Variants in LAMA4 observed in about 807,000 individuals in gnomAD.
LAMA4 encodes laminin subunit alpha 4.
A neutral mutation model predicts 207.1 loss-of-function variants in LAMA4; 127 were observed. The ratio of observed to expected loss-of-function variants is 0.61; its 90% confidence interval spans 0.53 to 0.71. The LOEUF is 0.71. Ranked by LOEUF, LAMA4 falls within the 30% of genes least tolerant of loss-of-function variation. LAMA4 has a pLI of 0.00. For synonymous variants in LAMA4, 761 were observed against 816.0 expected (o/e 0.93, Z 1.15); for missense variants, 2,093 against 2,246.5 (o/e 0.93, Z 1.38).
intron 12 of LAMA4, among the ~76,000 whole-genome samples, chr6:112,167,292 C>A (rs539192722): frequency 6.6e-6 from 1 of 152,254 alleles, no homozygotes; most frequent in East Asian, 1.9e-4. Context: ...ATCCCAGCTA[C>A]TTGGGAGGCT....
intron 13 of LAMA4, 30 bp from the exon 14 acceptor site, chr6:112,158,910 G>C: frequency 6.9e-7 from 1 of 1,445,908 alleles, no homozygotes. Context: ...TAAATACATT[G>C]AATTTAGAAG....
At chr6:112,236,726 T>A (rs1464270564) in intron 2 of LAMA4, 2 of 152,232 alleles carry the variant, frequency 1.3e-5, no homozygotes, top group Non-Finnish European at 2.9e-5. Context: ...GCTGCTTTTT[T>A]AATTCGCATG....
intron 2 of LAMA4, chr6:112,236,858 A>G (rs1351815665): frequency 1.3e-5 from 2 of 152,226 alleles, no homozygotes; most frequent in African/African-American, 2.4e-5. Flanking sequence ...GGGGTGAACT[A>G]CTGTATCGAG....
At chr6:112,160,742 C>T (rs1444041915) in intron 13 of LAMA4, among the ~76,000 whole-genome samples, 4 of 152,210 alleles carry the variant, frequency 2.6e-5, no homozygotes, top group Admixed American at 2.6e-4. Flanking sequence ...GACCGTGAAA[C>T]TTGGCATTTG....
At chr6:112,183,054 A>G (rs1782461392) in intron 9 of LAMA4, among the ~76,000 whole-genome samples, 1 of 152,204 alleles carries the variant, frequency 6.6e-6, no homozygotes, top group Non-Finnish European at 1.5e-5. Context: ...AGGTGGATGT[A>G]ACTTGTGAGA....
chr6:112,149,461 C>T lies in LAMA4; in HGVS notation c.2173+1050G>A, dbSNP rs1365884092. Among the ~76,000 whole-genome samples, 3 of 152,216 alleles carry T rather than the reference C, an allele frequency of 2.0e-5. No individual in the cohort carries two copies. In the East Asian group the frequency reaches 5.8e-4, roughly 29 times the overall value. ...ATAATTGGATCATGGGGACAGTTTT[C>T]CCCATGCTATTCTTGTGATAGTGAG... On this transcript the variant is annotated intron_variant, in intron 17 of 38. Coordinates refer to ENST00000230538, the MANE Select transcript of LAMA4 (RefSeq NM_001105206.3).
intron 18 of LAMA4, among the ~76,000 whole-genome samples, chr6:112,147,647 G>C (rs1331138119): frequency 1.3e-5 from 2 of 152,158 alleles, no homozygotes; most frequent in East Asian, 3.9e-4. Flanking sequence ...CTATAGAACT[G>C]TATATTCAAG....
Position 112,148,176 on chromosome 6 carries a change from C to T in LAMA4, c.2334G>A (p.Val778=), listed in dbSNP as rs559504162. Residue 778 remains valine (V), a synonymous_variant, in exon 18 of 39, where the codon GTG becomes GTA. Coordinates refer to ENST00000230538, the MANE Select transcript of LAMA4 (RefSeq NM_001105206.3). The part of the protein sequence containing the change: ...HFDSSAYNTA[V]NSARDAVRNL... Reference sequence around the variant, plus strand: ...TGATACCTGCATCCCTAGCAGAGTTCACTGCAGTGTTGTAAGCAGAAGAGT... The same window carrying T: ...TGATACCTGCATCCCTAGCAGAGTTTACTGCAGTGTTGTAAGCAGAAGAGT... 57 of 1,614,122 alleles carry T rather than the reference C, an allele frequency of 3.5e-5. No individual in the cohort carries two copies. The Admixed American group carries it at 8.3e-4, about 24-fold the overall frequency.
In LAMA4 at chr6:112,119,267, A is replaced by G. The variant is rs2114583537; in HGVS notation, c.4710T>C (p.Asp1570=). 2.5e-6 allele frequency: 4 copies of G among 1,614,100 alleles called. No homozygotes were observed. Among genetic ancestry groups the G allele is most frequent in the Non-Finnish European group, 3.4e-6 (4 of 1,179,952 alleles). ...GACTTTCTTCTAGGACTCGGAGACCATCAATTACCAGTCGGCCACTGCTCC... is the reference window on the plus strand; with the variant it reads ...GACTTTCTTCTAGGACTCGGAGACCGTCAATTACCAGTCGGCCACTGCTCC... ...RERSSGRLVI[D]GLRVLEESLP... The change falls in exon 34 of 39, where the codon GAT becomes GAC. Residue 1570 remains aspartate, a synonymous_variant. Coordinates refer to ENST00000230538, the MANE Select transcript of LAMA4 (RefSeq NM_001105206.3).
rs1554336738 is a variant in LAMA4, at chr6:112,155,622, A to G, written c.1902T>C (p.Val634=). The G allele has an allele frequency of 5.0e-6, 8 of 1,613,958 alleles. No homozygotes were observed. The highest frequency in any genetic ancestry group is 6.8e-6 in the Non-Finnish European group (8 of 1,179,940). The change falls in exon 15 of 39, where the codon GTT becomes GTC. Residue 634 remains valine (V), a synonymous_variant. Transcript: ENST00000230538. ...ATTCTGCTGTTTCATTGGCTTCACT[A>G]ACATAATTAACAATATTTTCATAGA... is the stretch of plus-strand genomic sequence containing the variant. The part of the protein sequence containing the change: ...SNVYENIVNY[V]SEANETAEFA...
rs368604022 is a variant in LAMA4, at chr6:112,163,382, C to A, written c.1668+1778G>T. Among the ~76,000 whole-genome samples, 59 of 152,146 alleles carry A rather than the reference C, an allele frequency of 3.9e-4. No homozygotes were observed. In the South Asian group the frequency reaches 0.01, roughly 26 times the overall value. On this transcript the variant is annotated intron_variant, in intron 13 of 38. Coordinates refer to ENST00000230538, the MANE Select transcript of LAMA4 (RefSeq NM_001105206.3). Reference sequence around the variant, plus strand: ...AAAAAAATAAGAGACAGTGGTTGTACGTGGCCTGCAGAGCCTAAAATATTG... The same window carrying A: ...AAAAAAATAAGAGACAGTGGTTGTAAGTGGCCTGCAGAGCCTAAAATATTG...
intron 12 of LAMA4, among the ~76,000 whole-genome samples, chr6:112,167,711 A>G (rs1781459797): frequency 1.3e-5 from 2 of 152,152 alleles, no homozygotes; most frequent in South Asian, 2.1e-4. Context: ...TTGTCCATCC[A>G]TCTGTTCATC....
At chr6:112,203,497 A>G (rs1003643645) in intron 4 of LAMA4, among the ~76,000 whole-genome samples, 1 of 152,226 alleles carries the variant, frequency 6.6e-6, no homozygotes. Context: ...GGCAATGGGC[A>G]TTTGATTTTT....
chr6:112,113,953 CT>C (rs781811612), intron 38 of LAMA4, 122 bp downstream of exon 38: 198 of 1,108,146 alleles, frequency 1.8e-4, no homozygotes, highest in Non-Finnish European at 2.6e-4. Flanking sequence ...TTAAACAACA[CT>C]GTATATAAAA....
chr6:112,164,831 T>C (rs1781290380), intron 13 of LAMA4, among the ~76,000 whole-genome samples: 1 of 152,218 alleles, frequency 6.6e-6, no homozygotes, highest in African/African-American at 2.4e-5. Context: ...AGTTCCACTA[T>C]ATTCAGTGGC....
intron 8 of LAMA4, 98 bp downstream of exon 8, chr6:112,187,352 A>C: frequency 3.0e-6 from 4 of 1,320,962 alleles, no homozygotes; most frequent in East Asian, 2.3e-5. Flanking sequence ...TAATACAGGT[A>C]TGAGACTCAG....
chr6:112,238,367 A>G (rs115628580), intron 2 of LAMA4, among the ~76,000 whole-genome samples: 40 of 152,294 alleles, frequency 2.6e-4, no homozygotes, highest in African/African-American at 8.9e-4. Context: ...AAGAAATACA[A>G]TGTGGCAGTA....
At chr6:112,213,754 C>T in intron 3 of LAMA4, 2 of 334,690 alleles carry the variant, frequency 6.0e-6, no homozygotes, top group African/African-American at 2.1e-5. Context: ...TTCAAATTGA[C>T]ATTGGACACT....
Position 112,155,629 on chromosome 6 carries a change from T to G in LAMA4, c.1895A>C (p.Asn632Thr). The G allele has an allele frequency of 6.2e-7, 1 of 1,614,092 alleles. No homozygotes were observed. Among genetic ancestry groups the G allele is most frequent in the Non-Finnish European group, 8.5e-7 (1 of 1,179,938 alleles). Residue 632 changes from asparagine to threonine, a missense_variant, in exon 15 of 39, where the codon AAT becomes ACT. Transcript: ENST00000230538. ...TGTTTCATTGGCTTCACTAACATAA[T>G]TAACAATATTTTCATAGACATTTGA... ...DASNVYENIV[N>T]YVSEANETAE...
Sources: allele counts gnomAD v4.1 joint callset (sites outside exome capture counted in the v4.1 genomes callset), GRCh38; gene constraint gnomAD v4.1.1; transcripts MANE v1.5; gene names NCBI Gene and HGNC (gene_info 2026-07-23, HGNC 2026-07-21).